Variants in ACAP3 observed in about 807,000 individuals in gnomAD.
The protein encoded by ACAP3 is arf-GAP with coiled-coil, ANK repeat and PH domain-containing protein 3.
In ACAP3, 56 loss-of-function variants were observed where a neutral mutation model predicts 104.1. The observed-to-expected ratio is 0.54, with a 90% CI of 0.43 to 0.67. The LOEUF (loss-of-function observed/expected upper bound fraction) is 0.67, where lower values mean the gene tolerates loss of function less well. Among genes scored for constraint, ACAP3 ranks in the 30% least tolerant of loss-of-function variants. The probability of loss-of-function intolerance (pLI) is 0.00; values close to 1 mark genes in which losing one functional copy is unlikely to be tolerated. For missense variants in ACAP3, 1,208 were observed against 1,174.9 expected (o/e 1.03, Z -0.41); for synonymous variants, 628 against 496.2 (o/e 1.27, Z -3.53).
chr1:1,296,273 C>A lies in ACAP3; in HGVS notation c.1345G>T (p.Gly449Cys). 6.4e-7 allele frequency: 1 copy of A among 1,557,796 alleles called. No homozygotes were observed. Among genetic ancestry groups the A allele is most frequent in the Non-Finnish European group, 8.7e-7 (1 of 1,151,032 alleles). Residue 449 changes from glycine (G) to cysteine (C), a missense_variant, in exon 16 of 24, where the codon GGT becomes TGT. Transcript: ENST00000354700. ...IECSGIHRSL[G>C]VHCSKVRSLT... The stretch of plus-strand genomic sequence containing the variant: ...GACCGCACCTTGGAGCAGTGGACAC[C>A]CAGGCTCCTGGAGAGCAGAGGTAGG...
At position 1,303,043 on chromosome 1, in the gene ACAP3, C is replaced by T. The variant is rs1028141459; in HGVS notation, c.226-68G>A. 9 of 1,565,364 alleles carry T rather than the reference C, an allele frequency of 5.7e-6. No homozygotes were observed. The highest frequency in any genetic ancestry group is 6.1e-6 in the Non-Finnish European group (7 of 1,154,226). On this transcript the variant is annotated intron_variant, in intron 3 of 23. Transcript: ENST00000354700. This position sits in a 1 kb window ranked among gnomAD's most constrained non-coding sequence, Gnocchi z 4.0. ...GGCCCAGGTCACCCAGCCACGCCCT[C>T]TGAGCCCCTGGGCGGTGCAGACACC...
rs373913811 is a variant in ACAP3 at position 1,299,333 on chromosome 1, G to A, written c.750+12C>T. On this transcript the variant is annotated intron_variant, in intron 10 of 23. Transcript: ENST00000354700. ...CCGACCCACAGCCCGCCCAGGGCCCGTGCTCACTTACCTGCAGCAGCGTCT... is the reference window on the plus strand; with the variant it reads ...CCGACCCACAGCCCGCCCAGGGCCCATGCTCACTTACCTGCAGCAGCGTCT... 6.4e-4 allele frequency: 1,015 copies of A among 1,594,586 alleles called. 2 individuals carry two copies. The highest frequency in any genetic ancestry group is 8.0e-4 in the Non-Finnish European group (937 of 1,170,964).
intron 14 of ACAP3, among the ~76,000 whole-genome samples, chr1:1,296,961 A>G (rs1320149936): frequency 6.6e-6 from 1 of 151,982 alleles, no homozygotes; most frequent in Non-Finnish European, 1.5e-5. Context: ...ACACCCTCAC[A>G]TGGGCAGATG....
rs1557603440 is a variant in ACAP3, at chr1:1,298,568, G to A, written c.862C>T (p.Arg288Trp). 5.5e-6 allele frequency: 7 copies of A among 1,265,378 alleles called. No homozygotes were observed. The highest frequency in any genetic ancestry group is 2.1e-5 in the Admixed American group (1 of 46,512). The allele number at this position is 1,265,378 out of a possible 1,614,324, so 78.4% of individuals were successfully genotyped here. A position where few individuals can be genotyped will look rare whatever the true frequency, so the allele number is the denominator to read the frequency against. Residue 288 changes from arginine (R) to tryptophan (W), a missense_variant and splice_region_variant, in exon 11 of 24, where the codon CGG (arginine) becomes TGG (tryptophan). Coordinates refer to ENST00000354700, the MANE Select transcript of ACAP3 (RefSeq NM_030649.3). ...RASNAFKTWN[R>W]RWFSIQNSQL... ...CCCCACCTGAGGAAGGCCTCTCACC[G>A]GTTCCATGTCTTGAAAGCGTTGCTG...
chr1:1,295,864 G>A lies in ACAP3; in HGVS notation c.1577C>T (p.Ala526Val). 1.2e-6 allele frequency: 2 copies of A among 1,611,836 alleles called. No homozygotes were observed. Among genetic ancestry groups the A allele is most frequent in the South Asian group, 1.1e-5 (1 of 91,086 alleles). The change falls in exon 18 of 24, where the codon GCC (alanine) becomes GTC (valine). Residue 526 changes from alanine to valine, a missense_variant. By Grantham distance (64) the Ala-to-Val change is moderately conservative (BLOSUM62 0). Coordinates refer to ENST00000354700, the MANE Select transcript of ACAP3 (RefSeq NM_030649.3). The part of the protein sequence containing the change: ...KFLRKAPMAP[A>V]LEAPRRWRVQ... ...CCTCCAGCGTCTTGGGGCCTCCAGG[G>A]CTGGTGCCATGGGCGCCTTCCGCAG...
chr1:1,294,903 C>A (rs1570629800), intron 19 of ACAP3, 87 bp from the exon 20 acceptor site: 1 of 1,329,046 alleles, frequency 7.5e-7, no homozygotes, highest in South Asian at 1.3e-5. Flanking sequence ...CTCCACCCAC[C>A]CTCCAGGGGC....
chr1:1,307,871 C>T lies in ACAP3; in HGVS notation c.-56G>A. 2 of 967,440 alleles carry T rather than the reference C, an allele frequency of 2.1e-6. No individual in the cohort carries two copies. The highest frequency in any genetic ancestry group is 2.5e-6 in the Non-Finnish European group (2 of 811,410). The allele number at this position is 967,440 out of a possible 1,614,324, so 59.9% of individuals were successfully genotyped here. A position where few individuals can be genotyped will look rare whatever the true frequency, so the allele number is the denominator to read the frequency against. The stretch of plus-strand genomic sequence containing the variant: ...GAGGACCGCGGCGCCGAGCGGCAGC[C>T]GCGCCGGCCCGGACCGCTCGTCCCG... On this transcript the variant is annotated 5_prime_UTR_variant, in exon 1 of 24. Coordinates refer to ENST00000354700, the MANE Select transcript of ACAP3 (RefSeq NM_030649.3).
At chr1:1,299,464 C>G in intron 9 of ACAP3, 108 bp from the exon 10 acceptor site, 1 of 1,294,974 alleles carries the variant, frequency 7.7e-7, no homozygotes, top group Non-Finnish European at 1.0e-6. Flanking sequence ...CTGGTGGACC[C>G]GTCCCCAACT....
chr1:1,300,753 TC>T lies in ACAP3; in HGVS notation c.339-62del. 3 of 1,528,700 alleles carry T rather than the reference TC, an allele frequency of 2.0e-6. No homozygotes were observed. In the South Asian group the frequency reaches 3.6e-5, roughly 18 times the overall value. The allele number at this position is 1,528,700 out of a possible 1,614,324, so 94.7% of individuals were successfully genotyped here. On this transcript the variant is annotated intron_variant, in intron 5 of 23. Transcript: ENST00000354700. ...GGAGGGCACCTGCTGGATCCTGGAG[TC>T]TCCCACATCGTTGTTTGTGTGTTTT...
intron 6 of ACAP3, 63 bp downstream of exon 6, chr1:1,300,446 G>A: frequency 2.7e-6 from 4 of 1,503,090 alleles, no homozygotes; most frequent in Non-Finnish European, 2.7e-6. Context: ...TTCTGTACAA[G>A]GCCGTTGAGG....
intron 20 of ACAP3, 32 bp from the exon 21 acceptor site, chr1:1,294,660 C>T (rs1465505910): frequency 1.9e-6 from 3 of 1,538,868 alleles, no homozygotes; most frequent in African/African-American, 2.7e-5. Flanking sequence ...GGAAAGCAAC[C>T]CCCGGGGCTG....
chr1:1,294,473 G>A lies in ACAP3; in HGVS notation c.2068C>T (p.His690Tyr), dbSNP rs778368288. The A allele has an allele frequency of 6.4e-7, 1 of 1,554,804 alleles. No individual in the cohort carries two copies. The highest frequency in any genetic ancestry group is 1.7e-4 in the Middle Eastern group (1 of 5,974). Residue 690 changes from histidine (H) to tyrosine (Y), a missense_variant, in exon 21 of 24, where the codon CAC becomes TAC. Coordinates refer to ENST00000354700, the MANE Select transcript of ACAP3 (RefSeq NM_030649.3). The part of the protein sequence containing the change: ...DLPALAAALA[H>Y]GAEVNWADAE... ...TCCGCCCAGTTGACCTCGGCCCCGT[G>A]GGCCAGCGCCGCCGCCAGCGCAGGA...
At position 1,294,414 on chromosome 1, in the gene ACAP3, C is replaced by T. The variant is rs776724403; in HGVS notation, c.2127G>A (p.Gln709=). The T allele has an allele frequency of 1.3e-6, 2 of 1,575,618 alleles. No homozygotes were observed. Among genetic ancestry groups the T allele is most frequent in the South Asian group, 1.2e-5 (1 of 86,696 alleles). ...GTGGCTCGCTCACCCCTAGCACGGC[C>T]TGCACCAGCGGCGTCTTGCCCTCAT... The part of the protein sequence containing the change: ...AEDEGKTPLV[Q]AVLGGSLIVC... Residue 709 remains glutamine, a synonymous_variant, in exon 21 of 24, where the codon CAG becomes CAA. Coordinates refer to ENST00000354700, the MANE Select transcript of ACAP3 (RefSeq NM_030649.3).
chr1:1,296,266 T>C lies in ACAP3; in HGVS notation c.1352A>G (p.His451Arg). Reference sequence around the variant, plus strand: ...CGTCAGGGACCGCACCTTGGAGCAGTGGACACCCAGGCTCCTGGAGAGCAG... The same window carrying C: ...CGTCAGGGACCGCACCTTGGAGCAGCGGACACCCAGGCTCCTGGAGAGCAG... ...CSGIHRSLGV[H>R]CSKVRSLTLD... The change falls in exon 16 of 24, where the codon CAC (histidine) becomes CGC (arginine). Residue 451 changes from histidine (H) to arginine (R), a missense_variant. His to Arg is a conservative substitution (Grantham distance 29). Transcript: ENST00000354700. The C allele has an allele frequency of 6.4e-7, 1 of 1,559,320 alleles. No homozygotes were observed. The highest frequency in any genetic ancestry group is 8.7e-7 in the Non-Finnish European group (1 of 1,151,854).
chr1:1,294,787 T>C lies in ACAP3; in HGVS notation c.1843A>G (p.Ser615Gly), dbSNP rs1349588082. The C allele has an allele frequency of 6.5e-7, 1 of 1,549,900 alleles. No homozygotes were observed. The highest frequency in any genetic ancestry group is 8.7e-7 in the Non-Finnish European group (1 of 1,146,734). ...AGGACGTCCGAGCTGCCATCCGAGC[T>C]GCCCCCAAGGCCACTGTCGCTACTC... ...SLSSDSGLGG[S>G]SDGSSDVLAF... Residue 615 changes from serine to glycine, a missense_variant, in exon 20 of 24, where the codon AGC (serine) becomes GGC (glycine). Physicochemically the swap from Ser to Gly is moderately conservative, Grantham distance 56. Coordinates refer to ENST00000354700, the MANE Select transcript of ACAP3 (RefSeq NM_030649.3).
chr1:1,295,333 C>A (rs1471812250), intron 19 of ACAP3, 114 bp downstream of exon 19: 14 of 966,250 alleles, frequency 1.4e-5, no homozygotes, highest in Non-Finnish European at 1.9e-5. Flanking sequence ...GGAGGCCCCC[C>A]GCCCCTTCAG....
chr1:1,300,353 T>A (rs936395515), intron 6 of ACAP3, 151 bp from the exon 7 acceptor site: 2 of 1,262,146 alleles, frequency 1.6e-6, no homozygotes, highest in Non-Finnish European at 2.2e-6. Flanking sequence ...CATCCTCCCA[T>A]GGTCCTGGAC....
At position 1,294,383 on chromosome 1, in the gene ACAP3, GC is replaced by G; in HGVS notation, c.2139+18del. 1 of 1,559,742 alleles carries G rather than the reference GC, an allele frequency of 6.4e-7. No individual in the cohort carries two copies. The highest frequency in any genetic ancestry group is 8.7e-7 in the Non-Finnish European group (1 of 1,155,834). ...ACTGTGCACCTGTGTCCTGCGCGCA[GC>G]CCCCGTGGCTCGCTCACCCCTAGCA... On this transcript the variant is annotated intron_variant, in intron 21 of 23. Transcript: ENST00000354700.
chr1:1,302,828 G>T (rs1448319184), intron 4 of ACAP3, 94 bp downstream of exon 4: 8 of 815,870 alleles, frequency 9.8e-6, no homozygotes, highest in African/African-American at 2.0e-5. Context: ...GCAGAAACGT[G>T]CCCCCCCCAA....
Sources: allele counts gnomAD v4.1 joint callset (sites outside exome capture counted in the v4.1 genomes callset), GRCh38; gene constraint gnomAD v4.1.1; non-coding constraint Gnocchi (gnomAD v3.1); transcripts MANE v1.5; gene names NCBI Gene and HGNC (gene_info 2026-07-23, HGNC 2026-07-21).